Variants in CBLN2 observed in about 807,000 individuals in gnomAD.
CBLN2 encodes cerebellin 2 precursor, also known as cerebellin-2.
In CBLN2, 7 loss-of-function variants were observed where a neutral mutation model predicts 15.0. The ratio of observed to expected loss-of-function variants is 0.47; its 90% CI spans 0.27 to 0.88. CBLN2 has a LOEUF of 0.88. CBLN2 is among the 40% of genes least tolerant of loss of function. CBLN2 has a pLI of 0.14. For synonymous variants in CBLN2, 149 were observed against 135.2 expected (o/e 1.10, Z -0.71); for missense variants, 242 against 304.5 (o/e 0.79, Z 1.53).
intron 1 of CBLN2, among the ~76,000 whole-genome samples, chr18:72,632,489 G>A (rs1440956196): frequency 2.0e-5 from 3 of 152,126 alleles, no homozygotes; most frequent in Non-Finnish European, 4.4e-5. Context: ...AATCATCTGT[G>A]ATTATGTTTT....
intron 1 of CBLN2, among the ~76,000 whole-genome samples, chr18:72,603,241 T>G (rs1036252699): frequency 6.6e-6 from 1 of 152,238 alleles, no homozygotes; most frequent in African/African-American, 2.4e-5. Context: ...CTCATTTAAA[T>G]CTCCAATATC....
chr18:72,607,465 A>G (rs140057359), intron 1 of CBLN2, among the ~76,000 whole-genome samples: 2 of 152,218 alleles, frequency 1.3e-5, no homozygotes, highest in African/African-American at 4.8e-5. Context: ...CTGTAGGATC[A>G]GTTGTGGCTA....
At chr18:72,556,567 G>T (rs963661236) in intron 1 of CBLN2, among the ~76,000 whole-genome samples, 1 of 152,172 alleles carries the variant, frequency 6.6e-6, no homozygotes, top group Non-Finnish European at 1.5e-5. Context: ...GGAAGAGGTG[G>T]TAATTGCTCA....
chr18:72,565,695 C>T (rs775497399), intron 1 of CBLN2, among the ~76,000 whole-genome samples: 2 of 152,138 alleles, frequency 1.3e-5, no homozygotes, highest in African/African-American at 2.4e-5. Flanking sequence ...ATCACCAGAA[C>T]ACAAAGGTAA....
chr18:72,578,675 A>G (rs931699427), intron 1 of CBLN2, among the ~76,000 whole-genome samples: 5 of 152,146 alleles, frequency 3.3e-5, no homozygotes, highest in African/African-American at 1.2e-4. Context: ...AAGTCTTATT[A>G]CCAGGCTATT....
At chr18:72,572,443 A>C (rs1483321310) in intron 1 of CBLN2, among the ~76,000 whole-genome samples, 1 of 152,192 alleles carries the variant, frequency 6.6e-6, no homozygotes, top group African/African-American at 2.4e-5. Context: ...ATAATTTAGA[A>C]TTCTTTTAAG....
intron 1 of CBLN2, chr18:72,620,456 G>A (rs1444343610): frequency 6.6e-6 from 1 of 152,198 alleles, no homozygotes; most frequent in Non-Finnish European, 1.5e-5. Flanking sequence ...TCTCTGGCAG[G>A]ACTCTTCTTT....
intron 1 of CBLN2, among the ~76,000 whole-genome samples, chr18:72,603,249 A>T (rs1296635020): frequency 1.3e-5 from 2 of 152,262 alleles, no homozygotes; most frequent in African/African-American, 4.8e-5. Context: ...AATCTCCAAT[A>T]TCCAAAAATA....
At chr18:72,576,270 A>G (rs1327278510) in intron 1 of CBLN2, among the ~76,000 whole-genome samples, 1 of 152,170 alleles carries the variant, frequency 6.6e-6, no homozygotes, top group East Asian at 1.9e-4. Flanking sequence ...ACTATGTAGA[A>G]GAGTTATGAA....
intron 1 of CBLN2, among the ~76,000 whole-genome samples, chr18:72,581,970 G>A (rs1405134780): frequency 1.3e-5 from 2 of 152,132 alleles, no homozygotes; most frequent in Non-Finnish European, 2.9e-5. Flanking sequence ...TTGTTTGTGA[G>A]GAGCTTCTCG....
rs755592010 is a variant in CBLN2 at position 72,541,796 on chromosome 18, C to A, written c.357+8G>T. 5 of 1,530,864 alleles carry A rather than the reference C, an allele frequency of 3.3e-6. No homozygotes were observed. Among genetic ancestry groups the A allele is most frequent in the East Asian group, 2.5e-5 (1 of 40,736 alleles). The allele number at this position is 1,530,864 out of a possible 1,614,324, so 94.8% of individuals were successfully genotyped here. On this transcript the variant is annotated splice_region_variant and intron_variant, in intron 3 of 4. Transcript: ENST00000269503. ...GCTGGGGGCGGGGTGGGCAGGCCGA[C>A]GGCTGACCTGGTCGAAATAGATGGT... is the stretch of plus-strand genomic sequence containing the variant.
At chr18:72,621,461 A>T (rs1008520665) in intron 1 of CBLN2, among the ~76,000 whole-genome samples, 24 of 152,118 alleles carry the variant, frequency 1.6e-4, no homozygotes, top group African/African-American at 5.8e-4. Flanking sequence ...CCTCTTTTTG[A>T]CAATAATTAA....
intron 1 of CBLN2, among the ~76,000 whole-genome samples, chr18:72,562,229 G>A (rs980513004): frequency 6.6e-6 from 1 of 152,114 alleles, no homozygotes; most frequent in African/African-American, 2.4e-5. Context: ...AGTAGCATTA[G>A]GGATGACAAT....
intron 1 of CBLN2, among the ~76,000 whole-genome samples, chr18:72,550,918 A>C (rs752476015): frequency 3.9e-5 from 6 of 152,132 alleles, no homozygotes; most frequent in Admixed American, 6.6e-5. Flanking sequence ...CTATATTCTT[A>C]ATAGGTACCT....
chr18:72,610,470 T>C (rs1176723117), intron 1 of CBLN2, among the ~76,000 whole-genome samples: 1 of 152,206 alleles, frequency 6.6e-6, no homozygotes, highest in East Asian at 1.9e-4. Flanking sequence ...TTTTCACTGC[T>C]CTGATACTAC....
At chr18:72,539,146 G>A in intron 3 of CBLN2, 1 of 176,158 alleles carries the variant, frequency 5.7e-6, no homozygotes, top group Non-Finnish European at 1.2e-5. Context: ...GGGAATATGG[G>A]GGCATCAGCA....
At chr18:72,607,159 T>C (rs979507087) in intron 1 of CBLN2, among the ~76,000 whole-genome samples, 2 of 152,176 alleles carry the variant, frequency 1.3e-5, no homozygotes, top group Non-Finnish European at 2.9e-5. Flanking sequence ...CAGGAGGAAG[T>C]TCTGAAACAG....
intron 1 of CBLN2, among the ~76,000 whole-genome samples, chr18:72,576,987 G>T (rs1182810227): frequency 6.8e-6 from 1 of 147,012 alleles, no homozygotes; most frequent in Non-Finnish European, 1.5e-5. Flanking sequence ...TGAATATTTA[G>T]AATTATAAAT....
chr18:72,546,153 G>C (rs2069156209), upstream of CBLN2, among the ~76,000 whole-genome samples: 1 of 152,138 alleles, frequency 6.6e-6, no homozygotes, highest in African/African-American at 2.4e-5. Context: ...AGATATTAAA[G>C]TCGGCCGGGC....
Sources: gnomAD v4.1 joint callset for allele counts (sites outside exome capture counted in the v4.1 genomes callset) on GRCh38, gnomAD v4.1.1 for gene constraint, MANE v1.5 for transcripts, NCBI Gene and HGNC (gene_info 2026-07-23, HGNC 2026-07-21) for gene names.